The following NBEAL1 variants were observed in gnomAD, a reference collection of about 807,000 sequenced individuals.
The protein encoded by NBEAL1 is neurobeachin-like protein 1.
NBEAL1 carries 273 observed loss-of-function variants against 351.3 expected under a neutral mutation model. The observed-to-expected ratio is 0.78, with a 90% confidence interval of 0.70 to 0.86. The LOEUF (loss-of-function observed/expected upper bound fraction) is 0.86, where lower values mean the gene tolerates loss of function less well. NBEAL1 is among the 40% of genes least tolerant of loss of function. The probability of loss-of-function intolerance (pLI) is 0.00; values close to 1 mark genes in which losing one functional copy is unlikely to be tolerated. For synonymous variants in NBEAL1, 1,050 were observed against 1,086.4 expected (o/e 0.97, Z 0.66); for missense variants, 2,961 against 3,201.3 (o/e 0.92, Z 1.81).
intron 9 of NBEAL1, 94 bp downstream of exon 9, chr2:203,083,619 T>C (rs568994715): frequency 1.0e-6 from 1 of 980,044 alleles, no homozygotes; most frequent in African/African-American, 1.6e-5. Context: ...GTATGGAAAG[T>C]ATTGATTGTT....
At chr2:203,054,058 C>T (rs1393502396) in intron 4 of NBEAL1, among the ~76,000 whole-genome samples, 1 of 152,072 alleles carries the variant, frequency 6.6e-6, no homozygotes, top group Non-Finnish European at 1.5e-5. Context: ...TCAAGTGATC[C>T]TCCCACCTCA....
intron 10 of NBEAL1, among the ~76,000 whole-genome samples, chr2:203,088,093 C>A (rs1320182783): frequency 6.6e-6 from 1 of 152,128 alleles, no homozygotes; most frequent in South Asian, 2.1e-4. Flanking sequence ...ATTTTATAAT[C>A]GAAAACTCAG....
At chr2:203,079,388 A>G (rs567631065) in intron 8 of NBEAL1, among the ~76,000 whole-genome samples, 208 of 152,318 alleles carry the variant, frequency 1.4e-3, no homozygotes, top group Middle Eastern at 3.4e-3. Flanking sequence ...AGCCAACAAA[A>G]TCACAAGTAT....
At chr2:203,048,737 A>T (rs2061272702) in intron 3 of NBEAL1, among the ~76,000 whole-genome samples, 1 of 152,204 alleles carries the variant, frequency 6.6e-6, no homozygotes, top group African/African-American at 2.4e-5. Context: ...TATGAAAGAA[A>T]CACCAGAGGA....
chr2:203,217,541 CATTTG>C lies in NBEAL1; in HGVS notation c.*197_*201del, dbSNP rs1412060990. On this transcript the variant is annotated 3_prime_UTR_variant, in exon 56 of 56. Coordinates refer to ENST00000683969, the MANE Select transcript of NBEAL1 (RefSeq NM_001378026.1). ...ATACTAAGATGTATTTGAGAAAATA[CATTTG>C]ATTTGATTTTGTGGCCCATTCCTAA... 1 of 1,192,784 alleles carries C rather than the reference CATTTG, an allele frequency of 8.4e-7. No individual in the cohort carries two copies. The highest frequency in any genetic ancestry group is 1.0e-6 in the Non-Finnish European group (1 of 961,828). 73.9% of individuals were successfully genotyped at this position (1,192,784 alleles called of 1,614,324 possible). A position where few individuals can be genotyped will look rare whatever the true frequency, so the allele number is the denominator to read the frequency against.
intron 17 of NBEAL1, among the ~76,000 whole-genome samples, chr2:203,113,933 T>C (rs2062631240): frequency 6.6e-6 from 1 of 151,668 alleles, no homozygotes; most frequent in Non-Finnish European, 1.5e-5. Context: ...GCCATTCTCC[T>C]GCTTCAGCCT....
chr2:203,191,917 C>T (rs1397203258), intron 46 of NBEAL1, among the ~76,000 whole-genome samples: 2 of 152,072 alleles, frequency 1.3e-5, no homozygotes, highest in East Asian at 1.9e-4. Context: ...ATCCATTTAC[C>T]TCAGTACATT....
At chr2:203,063,272 TA>T (rs1310193686) in intron 6 of NBEAL1, among the ~76,000 whole-genome samples, 1 of 151,276 alleles carries the variant, frequency 6.6e-6, no homozygotes, top group Non-Finnish European at 1.5e-5. Flanking sequence ...GCCAGGAGTG[TA>T]AGACCCCATC....
At position 203,131,990 on chromosome 2, in the gene NBEAL1, G is replaced by A. The variant is rs2063084401; in HGVS notation, c.3582G>A (p.Leu1194=). The A allele has an allele frequency of 2.5e-5, 38 of 1,540,968 alleles. No homozygotes were observed. The highest frequency in any genetic ancestry group is 3.2e-5 in the Non-Finnish European group (36 of 1,142,440). The stretch of plus-strand genomic sequence containing the variant: ...GTGACCAGATTATGGAACAAATGTT[G>A]AAATGCACGAACGTTTATGAGCGTA... ...EIIFKIMEQM[L]KCTNVYERSK... is the part of the protein sequence containing the mutation. The change falls in exon 26 of 56, where the codon TTG becomes TTA. Residue 1194 remains leucine, a synonymous_variant. Coordinates refer to ENST00000683969, the MANE Select transcript of NBEAL1 (RefSeq NM_001378026.1).
In NBEAL1 at chr2:203,218,283, A is replaced by T. The variant is rs1291589606; in HGVS notation, c.*929A>T. 6.6e-6 allele frequency: 1 copy of T among 150,670 alleles called. No homozygotes were observed. Among genetic ancestry groups the T allele is most frequent in the Non-Finnish European group, 1.5e-5 (1 of 67,778 alleles). 9.3% of individuals were successfully genotyped at this position (150,670 alleles called of 1,614,324 possible). On this transcript the variant is annotated 3_prime_UTR_variant, in exon 56 of 56. Coordinates refer to ENST00000683969, the MANE Select transcript of NBEAL1 (RefSeq NM_001378026.1). ...ATCATTTATATATAGTAATTTAAAA[A>T]TTTCTATTTCATGTTTTAGGATTAT... is the stretch of plus-strand genomic sequence containing the variant.
chr2:203,168,367 C>T (rs1198133763), intron 38 of NBEAL1, among the ~76,000 whole-genome samples: 1 of 152,164 alleles, frequency 6.6e-6, no homozygotes, highest in Non-Finnish European at 1.5e-5. Flanking sequence ...GGGTGGATCA[C>T]CTGAAGTCAG....
At chr2:203,127,332 C>T (rs1432561752) in intron 23 of NBEAL1, among the ~76,000 whole-genome samples, 1 of 152,128 alleles carries the variant, frequency 6.6e-6, no homozygotes, top group Non-Finnish European at 1.5e-5. Context: ...AGAAGATTTT[C>T]CTTAAAAAGA....
Position 203,159,853 on chromosome 2 carries a change from C to T in NBEAL1, c.5714+2028C>T, listed in dbSNP as rs541998776. Among the ~76,000 whole-genome samples the T allele has an allele frequency of 3.9e-5, 6 of 152,066 alleles. No homozygotes were observed. In the South Asian group the frequency reaches 6.2e-4, roughly 16 times the overall value. ...CTGTGTCATTTTTCATTTTCACCAG[C>T]AAGGTATGAGTGTTCTAATTTCTCC... On this transcript the variant is annotated intron_variant, in intron 36 of 55. Transcript: ENST00000683969.
At chr2:203,171,907 G>A (rs746599375) in intron 39 of NBEAL1, 21 bp from the exon 40 acceptor site, 12 of 1,405,274 alleles carry the variant, frequency 8.5e-6, no homozygotes, top group Non-Finnish European at 1.2e-5. Context: ...TTTTGATATT[G>A]CTCTTTTTTG....
At chr2:203,160,373 G>A (rs1400482658) in intron 36 of NBEAL1, among the ~76,000 whole-genome samples, 2 of 152,090 alleles carry the variant, frequency 1.3e-5, no homozygotes, top group Admixed American at 6.6e-5. Flanking sequence ...GAGCCACCAC[G>A]CCCGGCCTGG....
rs766110890 is a variant in NBEAL1, at chr2:203,138,660, T to G, written c.4760T>G (p.Val1587Gly). 1.9e-6 allele frequency: 3 copies of G among 1,612,886 alleles called. No individual in the cohort carries two copies. In the South Asian group the frequency reaches 3.3e-5, roughly 18 times the overall value. ...ATGCTGCTCTTTGACTGTCTGTCAG[T>G]CTGCTATTCTGAAAGTCCAGTATGG... Reference protein sequence around the residue: ...DMMLLFDCLSVCYSESPVWVK... With the variant: ...DMMLLFDCLSGCYSESPVWVK... Residue 1587 changes from valine (V) to glycine (G), a missense_variant, in exon 31 of 56, where the codon GTC becomes GGC. Physicochemically the swap from Val to Gly is moderately radical, Grantham distance 109. Coordinates refer to ENST00000683969, the MANE Select transcript of NBEAL1 (RefSeq NM_001378026.1).
At chr2:203,176,267 G>A (rs1245010056) in intron 42 of NBEAL1, among the ~76,000 whole-genome samples, 1 of 148,858 alleles carries the variant, frequency 6.7e-6, no homozygotes, top group East Asian at 2.0e-4. Flanking sequence ...CGTGTGGTGT[G>A]GTATGGTGTG....
chr2:203,215,866 C>T (rs1299601460), intron 55 of NBEAL1, among the ~76,000 whole-genome samples: 1 of 151,844 alleles, frequency 6.6e-6, no homozygotes, highest in Non-Finnish European at 1.5e-5. Flanking sequence ...CAAAAATTAG[C>T]TAAGCATGAT....
At chr2:203,090,582 A>G (rs1345045422) in intron 10 of NBEAL1, among the ~76,000 whole-genome samples, 2 of 152,344 alleles carry the variant, frequency 1.3e-5, no homozygotes, top group East Asian at 3.9e-4. Flanking sequence ...AGGCATTTTT[A>G]AAGTCTTTTT....
Sources: allele counts gnomAD v4.1 joint callset (sites outside exome capture counted in the v4.1 genomes callset), GRCh38; gene constraint gnomAD v4.1.1; transcripts MANE v1.5; gene names NCBI Gene and HGNC (gene_info 2026-07-23, HGNC 2026-07-21).